FAIM2: variants seen among roughly 807,000 people sequenced by gnomAD.
The protein encoded by FAIM2 is protein lifeguard 2.
In FAIM2, 27 loss-of-function variants were observed where a neutral mutation model predicts 47.4. The observed-to-expected ratio is 0.57, with a 90% CI of 0.42 to 0.78. The LOEUF (loss-of-function observed/expected upper bound fraction) is 0.78, where lower values mean the gene tolerates loss of function less well. Ranked by LOEUF, FAIM2 falls within the 30% of genes least tolerant of loss-of-function variation. The pLI, the probability that FAIM2 is intolerant of heterozygous loss-of-function variation, is 0.00. For missense variants in FAIM2, 311 were observed against 389.4 expected (o/e 0.80, Z 1.69); for synonymous variants, 156 against 159.3 (o/e 0.98, Z 0.16).
At chr12:49,894,219 C>T (rs978041870) in intron 5 of FAIM2, among the ~76,000 whole-genome samples, 1 of 152,202 alleles carries the variant, frequency 6.6e-6, no homozygotes, top group Non-Finnish European at 1.5e-5. Context: ...AAGCACTTTG[C>T]GTGGGCCTGG....
At position 49,868,095 on chromosome 12, in the gene FAIM2, G is replaced by C. The variant is rs1411971849; in HGVS notation, c.*2409C>G. 6.5e-6 allele frequency: 1 copy of C among 152,776 alleles called. No homozygotes were observed. Among genetic ancestry groups the C allele is most frequent in the East Asian group, 1.9e-4 (1 of 5,264 alleles). 9.5% of individuals were successfully genotyped at this position (152,776 alleles called of 1,614,324 possible). A position where few individuals can be genotyped will look rare whatever the true frequency, so the allele number is the denominator to read the frequency against. On this transcript the variant is annotated 3_prime_UTR_variant, in exon 12 of 12. Transcript: ENST00000320634. ...CCAGTTTCTGCAGTAACTTATCCCA[G>C]GGAGAGGAGAACTTGGACAAGTAGA...
chr12:49,884,178 C>T (rs1181221807), intron 11 of FAIM2, among the ~76,000 whole-genome samples: 1 of 151,398 alleles, frequency 6.6e-6, no homozygotes, highest in Non-Finnish European at 1.5e-5. Context: ...GAGTGGAAAT[C>T]ATGCCACTGC....
At chr12:49,871,190 G>A (rs1362193761) in intron 11 of FAIM2, among the ~76,000 whole-genome samples, 5 of 152,160 alleles carry the variant, frequency 3.3e-5, no homozygotes, top group African/African-American at 4.8e-5. Flanking sequence ...ATAAGAATCC[G>A]ATTCTTCCTA....
At chr12:49,871,777 C>T (rs766176780) in intron 11 of FAIM2, among the ~76,000 whole-genome samples, 20 of 151,894 alleles carry the variant, frequency 1.3e-4, no homozygotes, top group Admixed American at 3.3e-4. Flanking sequence ...AGCGATTCTC[C>T]TGCCTCAGCC....
intron 11 of FAIM2, among the ~76,000 whole-genome samples, chr12:49,873,664 C>T (rs1946717531): frequency 6.6e-6 from 1 of 152,116 alleles, no homozygotes; most frequent in South Asian, 2.1e-4. Context: ...CGCAGGAGAC[C>T]CCCTAGAGCA....
rs1333127968 is a variant in FAIM2 at position 49,878,905 on chromosome 12, TGC to T, written c.802-8254_802-8253del. On this transcript the variant is annotated intron_variant, in intron 11 of 11. Coordinates refer to ENST00000320634, the MANE Select transcript of FAIM2 (RefSeq NM_012306.4). ...ATGCATGTGTATATGTGCATGTGTA[TGC>T]GTGTGAGTGCATGTGTGTATATGTG... Among the ~76,000 whole-genome samples, 15 of 133,782 alleles carry T rather than the reference TGC, an allele frequency of 1.1e-4. 1 individual carries two copies. Among genetic ancestry groups the T allele is most frequent in the Admixed American group, 5.9e-4 (7 of 11,772 alleles). 87.8% of individuals were successfully genotyped at this position (133,782 alleles called of 152,430 possible).
At chr12:49,886,150 CCTT>C (rs1946859583) in intron 11 of FAIM2, among the ~76,000 whole-genome samples, 1 of 152,216 alleles carries the variant, frequency 6.6e-6, no homozygotes, top group Admixed American at 6.5e-5. Flanking sequence ...TAAATGTTGA[CCTT>C]GAATGCCTTT....
At chr12:49,871,852 G>C (rs1946705664) in intron 11 of FAIM2, among the ~76,000 whole-genome samples, 1 of 152,044 alleles carries the variant, frequency 6.6e-6, no homozygotes, top group South Asian at 2.1e-4. Context: ...TTTTAGCAGA[G>C]ACGGGTTTTC....
At chr12:49,871,701 T>A (rs996629758) in intron 11 of FAIM2, among the ~76,000 whole-genome samples, 1 of 151,546 alleles carries the variant, frequency 6.6e-6, no homozygotes, top group African/African-American at 2.4e-5. Flanking sequence ...AGTTTCGCTC[T>A]TGTTGCCCAG....
chr12:49,893,774 C>T (rs935493186), intron 5 of FAIM2, among the ~76,000 whole-genome samples: 5 of 152,178 alleles, frequency 3.3e-5, no homozygotes, highest in African/African-American at 7.2e-5. Flanking sequence ...CATCCTGCTC[C>T]GTGAGGGACA....
chr12:49,873,096 G>A (rs1329831663), intron 11 of FAIM2, among the ~76,000 whole-genome samples: 1 of 152,094 alleles, frequency 6.6e-6, no homozygotes, highest in Non-Finnish European at 1.5e-5. Context: ...GGGAGCCATG[G>A]CCAGGGCTGA....
intron 11 of FAIM2, among the ~76,000 whole-genome samples, chr12:49,887,031 G>C (rs73293455): frequency 0.01 from 1,592 of 152,216 alleles, 28 homozygotes; most frequent in African/African-American, 0.037. Context: ...GCCCCTAGGA[G>C]GGTAACTACT....
intron 2 of FAIM2, among the ~76,000 whole-genome samples, chr12:49,898,546 A>G (rs1176667128): frequency 6.6e-6 from 1 of 151,882 alleles, no homozygotes; most frequent in Non-Finnish European, 1.5e-5. Flanking sequence ...TTTTTTTGAG[A>G]CAGGGTCTCA....
At chr12:49,900,268 C>T (rs1448461000) in intron 2 of FAIM2, 1 of 1,233,926 alleles carries the variant, frequency 8.1e-7, no homozygotes, top group Non-Finnish European at 1.1e-6. Context: ...AGCAGAGGCT[C>T]TGTCTGGGGC....
At position 49,896,770 on chromosome 12, in the gene FAIM2, C is replaced by T. The variant is rs115819452; in HGVS notation, c.434+261G>A. The stretch of plus-strand genomic sequence containing the variant: ...GGTCTCTCCGGCTATAGCCCTGGCC[C>T]GACCCTTCCCAATTTGCGCAGGCAG... On this transcript the variant is annotated intron_variant, in intron 5 of 11. Transcript: ENST00000320634. Among the ~76,000 whole-genome samples, 1,094 of 152,334 alleles carry T rather than the reference C, an allele frequency of 7.2e-3. 14 individuals carry two copies. Among genetic ancestry groups the T allele is most frequent in the African/African-American group, 0.025 (1,023 of 41,560 alleles).
chr12:49,883,330 A>G (rs1390778305), intron 11 of FAIM2, among the ~76,000 whole-genome samples: 3 of 151,868 alleles, frequency 2.0e-5, no homozygotes, highest in African/African-American at 7.3e-5. Flanking sequence ...AGTAGCCATG[A>G]GGGCAGAGAT....
At chr12:49,873,785 T>G (rs1169163985) in intron 11 of FAIM2, among the ~76,000 whole-genome samples, 1 of 152,294 alleles carries the variant, frequency 6.6e-6, no homozygotes, top group South Asian at 2.1e-4. Context: ...ATGGCCTGCT[T>G]CAAATTTCAA....
intron 11 of FAIM2, among the ~76,000 whole-genome samples, chr12:49,873,434 TG>T (rs1480900884): frequency 2.0e-5 from 3 of 152,100 alleles, no homozygotes; most frequent in Non-Finnish European, 4.4e-5. Context: ...GCAGAGAGAA[TG>T]AGCAAGCAGA....
rs547368808 is a variant in FAIM2, at chr12:49,871,640, T to C, written c.802-987A>G. ...TGATGAAGCACTGATCCACGTGGGA[T>C]TGGAATTTTTTTTCTTTTCTTTTCT... On this transcript the variant is annotated intron_variant, in intron 11 of 11. Coordinates refer to ENST00000320634, the MANE Select transcript of FAIM2 (RefSeq NM_012306.4). Among the ~76,000 whole-genome samples the C allele has an allele frequency of 2.6e-5, 4 of 151,688 alleles. No homozygotes were observed. In the East Asian group the frequency reaches 5.8e-4, roughly 22 times the overall value.
Sources: gnomAD v4.1 joint callset for allele counts (sites outside exome capture counted in the v4.1 genomes callset) on GRCh38, gnomAD v4.1.1 for gene constraint, MANE v1.5 for transcripts, NCBI Gene and HGNC (gene_info 2026-07-23, HGNC 2026-07-21) for gene names.